Variants in CHMP4C observed in about 807,000 individuals in gnomAD.
CHMP4C encodes the protein SNF7 homolog associated with Alix 3.
A neutral mutation model predicts 29.0 loss-of-function variants in CHMP4C; 28 were observed. The observed-to-expected ratio is 0.97, with a 90% CI of 0.72 to 1.32. CHMP4C has a LOEUF of 1.32. Among genes scored for constraint, CHMP4C ranks in the 40% most tolerant of loss-of-function variants. CHMP4C has a pLI of 0.00. For missense variants in CHMP4C, 291 were observed against 281.0 expected (o/e 1.04, Z -0.25); for synonymous variants, 106 against 102.4 (o/e 1.04, Z -0.21).
intron 1 of CHMP4C, among the ~76,000 whole-genome samples, chr8:81,736,064 C>T (rs779262853): frequency 6.7e-6 from 1 of 149,768 alleles, no homozygotes; most frequent in African/African-American, 2.5e-5. Context: ...CCAGCCTGAG[C>T]GACAGAGTCA....
chr8:81,756,358 T>C (rs1330661148), intron 3 of CHMP4C, among the ~76,000 whole-genome samples: 2 of 152,144 alleles, frequency 1.3e-5, no homozygotes, highest in Non-Finnish European at 2.9e-5. Flanking sequence ...GAAGAAAACA[T>C]GCAGCCTGCA....
At chr8:81,736,500 T>C (rs1808692943) in intron 1 of CHMP4C, among the ~76,000 whole-genome samples, 2 of 152,050 alleles carry the variant, frequency 1.3e-5, no homozygotes, top group African/African-American at 4.8e-5. Flanking sequence ...GCTAAAACAG[T>C]TTAGAGACAC....
intron 1 of CHMP4C, among the ~76,000 whole-genome samples, chr8:81,751,572 T>G (rs999680485): frequency 2.0e-5 from 3 of 152,068 alleles, no homozygotes; most frequent in African/African-American, 7.2e-5. Context: ...AAAAATTCAG[T>G]ATATACAATT....
At chr8:81,755,990 T>A (rs1808967559) in intron 3 of CHMP4C, among the ~76,000 whole-genome samples, 1 of 152,216 alleles carries the variant, frequency 6.6e-6, no homozygotes, top group Non-Finnish European at 1.5e-5. Flanking sequence ...ATAATTATAA[T>A]GGTGATGTCT....
chr8:81,733,170 T>G (rs1338254335), intron 1 of CHMP4C, among the ~76,000 whole-genome samples: 1 of 152,218 alleles, frequency 6.6e-6, no homozygotes, highest in East Asian at 1.9e-4. Flanking sequence ...CTAGCTCTTA[T>G]GTTGTTATGT....
intron 1 of CHMP4C, among the ~76,000 whole-genome samples, chr8:81,735,642 A>G (rs928935492): frequency 6.6e-6 from 1 of 152,230 alleles, no homozygotes; most frequent in Non-Finnish European, 1.5e-5. Context: ...CTGAATGGCC[A>G]GGTAGCATTA....
At chr8:81,744,564 C>G (rs538474839) in intron 1 of CHMP4C, among the ~76,000 whole-genome samples, 1 of 152,164 alleles carries the variant, frequency 6.6e-6, no homozygotes, top group East Asian at 1.9e-4. Context: ...GAAGCCTTCC[C>G]TTACCCTCCA....
At chr8:81,754,400 A>G (rs73287609) in intron 2 of CHMP4C, among the ~76,000 whole-genome samples, 1,744 of 152,272 alleles carry the variant, frequency 0.011, 25 homozygotes, top group African/African-American at 0.037. Context: ...CAGTATAAAT[A>G]GAATAATAAG....
chr8:81,744,471 A>G (rs1455811745), intron 1 of CHMP4C, among the ~76,000 whole-genome samples: 2 of 152,164 alleles, frequency 1.3e-5, no homozygotes, highest in Admixed American at 6.5e-5. Flanking sequence ...TTCTTTCCAT[A>G]TATGAAAAGA....
chr8:81,750,446 T>TAA (rs60937204), intron 1 of CHMP4C, among the ~76,000 whole-genome samples: 28 of 142,280 alleles, frequency 2.0e-4, no homozygotes, highest in South Asian at 4.6e-4. Flanking sequence ...ACAAAAAAAT[T>TAA]AAAAAAAAAA....
chr8:81,736,486 G>T (rs1170367082), intron 1 of CHMP4C, among the ~76,000 whole-genome samples: 1 of 152,114 alleles, frequency 6.6e-6, no homozygotes, highest in Non-Finnish European at 1.5e-5. Context: ...TAAATATGTG[G>T]ATTGCTAAAA....
chr8:81,740,192 G>A (rs1328702918), intron 1 of CHMP4C, among the ~76,000 whole-genome samples: 2 of 152,230 alleles, frequency 1.3e-5, no homozygotes, highest in Non-Finnish European at 2.9e-5. Flanking sequence ...TTGCATGATA[G>A]CAACCGTGTT....
intron 3 of CHMP4C, among the ~76,000 whole-genome samples, chr8:81,756,221 G>C (rs763723226): frequency 1.6e-4 from 24 of 151,596 alleles, no homozygotes; most frequent in Non-Finnish European, 3.5e-4. Flanking sequence ...TAGACAAGGG[G>C]TCAGCAAAAA....
chr8:81,753,215 A>G lies in CHMP4C; in HGVS notation c.342A>G (p.Lys114=), dbSNP rs1373941003. 1 of 1,605,702 alleles carries G rather than the reference A, an allele frequency of 6.2e-7. No homozygotes were observed. The change falls in exon 2 of 5, where the codon AAA becomes AAG. Residue 114 remains lysine (K), a synonymous_variant. Coordinates refer to ENST00000297265, the MANE Select transcript of CHMP4C (RefSeq NM_152284.4). ...TGAGGAACATGGGCTTTGCAGCAAA[A>G]GCGATGAAATCTGTTCATGAAAACA... is the stretch of plus-strand genomic sequence containing the variant. ...EVLRNMGFAA[K]AMKSVHENMD... is the part of the protein sequence containing the mutation.
At chr8:81,750,734 T>C (rs1480584953) in intron 1 of CHMP4C, among the ~76,000 whole-genome samples, 1 of 151,778 alleles carries the variant, frequency 6.6e-6, no homozygotes, top group African/African-American at 2.4e-5. Context: ...AATAAAAAAA[T>C]ACAAATTTCA....
intron 1 of CHMP4C, among the ~76,000 whole-genome samples, chr8:81,744,130 A>G (rs1419725606): frequency 6.6e-6 from 1 of 152,136 alleles, no homozygotes; most frequent in Non-Finnish European, 1.5e-5. Flanking sequence ...CTAGATTGCT[A>G]TTTACCCTCC....
At chr8:81,740,916 C>G (rs924279639) in intron 1 of CHMP4C, among the ~76,000 whole-genome samples, 4 of 152,124 alleles carry the variant, frequency 2.6e-5, no homozygotes, top group Non-Finnish European at 4.4e-5. Context: ...AGTGGATGAT[C>G]TACAGTTTTT....
intron 2 of CHMP4C, among the ~76,000 whole-genome samples, chr8:81,754,163 A>G (rs1193669791): frequency 2.6e-5 from 4 of 152,134 alleles, no homozygotes; most frequent in Non-Finnish European, 5.9e-5. Flanking sequence ...ATTCATTAAC[A>G]ATCAGCCTCC....
chr8:81,737,587 G>A (rs1183281820), intron 1 of CHMP4C, among the ~76,000 whole-genome samples: 1 of 152,100 alleles, frequency 6.6e-6, no homozygotes, highest in Non-Finnish European at 1.5e-5. Flanking sequence ...TCTTGGTGTT[G>A]TAGTTAAGAG....
Sources: allele counts gnomAD v4.1 joint callset (sites outside exome capture counted in the v4.1 genomes callset), GRCh38; gene constraint gnomAD v4.1.1; transcripts MANE v1.5; gene names NCBI Gene and HGNC (gene_info 2026-07-23, HGNC 2026-07-21).